Variants in ARHGEF16 observed in about 807,000 individuals in gnomAD.
ARHGEF16 encodes Rho guanine nucleotide exchange factor 16.
Under a neutral mutation model 74.1 loss-of-function variants are expected in ARHGEF16, and 59 were observed. The observed-to-expected ratio is 0.80, with a 90% confidence interval of 0.65 to 0.99. The LOEUF is 0.99. ARHGEF16 is among the 50% of genes least tolerant of loss of function. The probability of loss-of-function intolerance (pLI) is 0.00; values close to 1 mark genes in which losing one functional copy is unlikely to be tolerated. For missense variants in ARHGEF16, 948 were observed against 986.6 expected, an observed-to-expected ratio of 0.96 and a Z score of 0.52; for synonymous variants, 415 against 412.6, an observed-to-expected ratio of 1.01 and a Z score of -0.07.
intron 2 of ARHGEF16, 98 bp from the exon 3 acceptor site, chr1:3,466,050 G>A: frequency 1.5e-6 from 2 of 1,343,784 alleles, no homozygotes; most frequent in African/African-American, 1.5e-5. Context: ...AGCTTCGCAT[G>A]TGGAGCCGAG....
chr1:3,469,745 G>C, intron 6 of ARHGEF16, 152 bp downstream of exon 6: 1 of 1,137,552 alleles, frequency 8.8e-7, no homozygotes. Flanking sequence ...CGCGGAGTGT[G>C]ATGACCTCTG....
intron 1 of ARHGEF16, among the ~76,000 whole-genome samples, chr1:3,456,240 CAG>C (rs1639261962): frequency 6.6e-6 from 1 of 152,236 alleles, no homozygotes; most frequent in South Asian, 2.1e-4. Context: ...AACTGAGGCA[CAG>C]AGGTGAAGCA....
rs1400951131 is a variant in ARHGEF16, at chr1:3,474,710, G to A, written c.1308G>A (p.Thr436=). The A allele has an allele frequency of 1.2e-6, 2 of 1,612,740 alleles. No homozygotes were observed. Among genetic ancestry groups the A allele is most frequent in the African/African-American group, 1.3e-5 (1 of 75,048 alleles). The change falls in exon 9 of 15, where the codon ACG becomes ACA. Residue 436 remains threonine (T), a splice_region_variant and synonymous_variant. Coordinates refer to ENST00000378378, the MANE Select transcript of ARHGEF16 (RefSeq NM_014448.4). ...TCCCATGTCTGTTGTCCATCCAGAC[G>A]CTCTGCCTCAAGACCCAGGGCCACT... is the stretch of plus-strand genomic sequence containing the variant. ...RVTRLPLLMD[T]LCLKTQGHSE...
intron 8 of ARHGEF16, chr1:3,474,182 C>T: frequency 5.2e-6 from 1 of 194,172 alleles, no homozygotes; most frequent in Non-Finnish European, 1.1e-5. Flanking sequence ...TACATGCACA[C>T]ACAGGCACTG....
At position 3,466,200 on chromosome 1, in the gene ARHGEF16, G is replaced by T; in HGVS notation, c.634+7G>T. 6.5e-7 allele frequency: 1 copy of T among 1,539,748 alleles called. No individual in the cohort carries two copies. The highest frequency in any genetic ancestry group is 8.8e-7 in the Non-Finnish European group (1 of 1,142,086). ...AAGGGTTCCTTCAAGGACGGTGAGT[G>T]TGGCTTCGGGAGGCACCGCGGGCTG... is the stretch of plus-strand genomic sequence containing the variant. On this transcript the variant is annotated splice_region_variant and intron_variant, in intron 3 of 14. Transcript: ENST00000378378.
intron 1 of ARHGEF16, among the ~76,000 whole-genome samples, chr1:3,461,690 C>CTGG (rs1639399281): frequency 1.3e-5 from 2 of 152,216 alleles, no homozygotes; most frequent in Admixed American, 1.3e-4. Flanking sequence ...GATGTGTAGC[C>CTGG]ACAACAGCCC....
chr1:3,473,350 C>A, intron 7 of ARHGEF16, 43 bp from the exon 8 acceptor site: 4 of 1,581,642 alleles, frequency 2.5e-6, no homozygotes, highest in Non-Finnish European at 3.4e-6. Flanking sequence ...TTGGTACAGG[C>A]TGGCCATGCA....
chr1:3,474,736 C>G lies in ARHGEF16; in HGVS notation c.1334C>G (p.Ser445Cys). Residue 445 changes from serine to cysteine, a missense_variant, in exon 9 of 15, where the codon TCC (serine) becomes TGC (cysteine). By Grantham distance (112) the Ser-to-Cys change is moderately radical. Coordinates refer to ENST00000378378, the MANE Select transcript of ARHGEF16 (RefSeq NM_014448.4). Reference sequence around the variant, plus strand: ...CTCTGCCTCAAGACCCAGGGCCACTCCGAAAGGTACAAGGCTGCCAGCCGT... The same window carrying G: ...CTCTGCCTCAAGACCCAGGGCCACTGCGAAAGGTACAAGGCTGCCAGCCGT... ...DTLCLKTQGH[S>C]ERYKAASRAL... The G allele has an allele frequency of 6.2e-7, 1 of 1,612,908 alleles. No individual in the cohort carries two copies. The highest frequency in any genetic ancestry group is 8.5e-7 in the Non-Finnish European group (1 of 1,179,976).
chr1:3,470,937 T>A (rs1322011946), intron 6 of ARHGEF16, among the ~76,000 whole-genome samples: 2 of 129,292 alleles, frequency 1.5e-5, no homozygotes, highest in Non-Finnish European at 3.2e-5. Context: ...TGTGTGTGCA[T>A]GGGCAGGGGT....
At position 3,473,031 on chromosome 1, in the gene ARHGEF16, C is replaced by T; in HGVS notation, c.1023-47C>T. On this transcript the variant is annotated intron_variant, in intron 6 of 14. Transcript: ENST00000378378. ...ATGTCTGTGTGTGCACACGTGGGGC[C>T]CGACCACCAGGCCCGTGGCACCCTC... is the stretch of plus-strand genomic sequence containing the variant. 3 of 1,591,772 alleles carry T rather than the reference C, an allele frequency of 1.9e-6. No individual in the cohort carries two copies. In the East Asian group the frequency reaches 6.7e-5, roughly 36 times the overall value.
intron 8 of ARHGEF16, chr1:3,474,000 GT>G: frequency 4.2e-6 from 1 of 236,730 alleles, no homozygotes; most frequent in South Asian, 6.2e-5. Flanking sequence ...GGTGAAAGGT[GT>G]ACACACACAC....
rs763129837 is a variant in ARHGEF16, at chr1:3,474,826, C to T, written c.1380+44C>T. 7 of 1,582,832 alleles carry T rather than the reference C, an allele frequency of 4.4e-6. No homozygotes were observed. In the Admixed American group the frequency reaches 5.0e-5, roughly 11 times the overall value. ...CCAGCCCTACCCGAGTCCTGTACCCCGACCCTGTCCCCACCCAACCCCACC... is the reference window on the plus strand; with the variant it reads ...CCAGCCCTACCCGAGTCCTGTACCCTGACCCTGTCCCCACCCAACCCCACC... On this transcript the variant is annotated intron_variant, in intron 9 of 14. Transcript: ENST00000378378.
chr1:3,472,833 G>A (rs530603339), intron 6 of ARHGEF16: 138 of 515,436 alleles, frequency 2.7e-4, no homozygotes, highest in African/African-American at 2.4e-3. Context: ...GCGTGGGATC[G>A]TGGCAGGGGG....
In ARHGEF16 at chr1:3,480,414, C is replaced by A. The variant is rs1401021090; in HGVS notation, c.1991-34C>A. 1.9e-6 allele frequency: 3 copies of A among 1,610,120 alleles called. No homozygotes were observed. In the East Asian group the frequency reaches 6.7e-5, roughly 36 times the overall value. ...AGGGGCCGGGGGACCCACGGCCTTC[C>A]CCTCACCTCCCTCCCACCCCTATCC... On this transcript the variant is annotated intron_variant, in intron 14 of 14. Transcript: ENST00000378378.
intron 10 of ARHGEF16, 138 bp downstream of exon 10, chr1:3,476,200 C>A: frequency 1.2e-6 from 1 of 866,624 alleles, no homozygotes; most frequent in Non-Finnish European, 1.8e-6. Flanking sequence ...GGGGCTGGGC[C>A]TCCTAGGGCT....
At chr1:3,471,177 C>G (rs1251519540) in intron 6 of ARHGEF16, among the ~76,000 whole-genome samples, 3 of 151,920 alleles carry the variant, frequency 2.0e-5, no homozygotes, top group African/African-American at 7.3e-5. Context: ...CGACCCTGTG[C>G]TGCTCCCTAT....
Position 3,479,927 on chromosome 1 carries a change from C to T in ARHGEF16, c.1990+14C>T, listed in dbSNP as rs1224729568. The T allele has an allele frequency of 5.6e-6, 9 of 1,610,912 alleles. No individual in the cohort carries two copies. Among genetic ancestry groups the T allele is most frequent in the Non-Finnish European group, 7.6e-6 (9 of 1,179,118 alleles). ...AGCAGGAGGATGGTGAGTGCAGGGG[C>T]GTTGGGCACAGATGGGTGGGAACGG... is the stretch of plus-strand genomic sequence containing the variant. On this transcript the variant is annotated intron_variant, in intron 14 of 14. Transcript: ENST00000378378.
chr1:3,457,240 G>T (rs570711968), intron 1 of ARHGEF16, among the ~76,000 whole-genome samples: 1 of 152,372 alleles, frequency 6.6e-6, no homozygotes, highest in Non-Finnish European at 1.5e-5. Context: ...CGGAGTACAA[G>T]GGCATCATTG....
chr1:3,476,056 G>A lies in ARHGEF16; in HGVS notation c.1467G>A (p.Lys489=). ...TGCACACACAGCTGGACTTCAGCAA[G>A]GTCAAGGTAGGTGGCCCCGGACATC... The part of the protein sequence containing the change: ...YTLHTQLDFS[K]VKSLPLISAS... Residue 489 remains lysine (K), a synonymous_variant, in exon 10 of 15, where the codon AAG becomes AAA. Transcript: ENST00000378378. 2 of 1,551,400 alleles carry A rather than the reference G, an allele frequency of 1.3e-6. No homozygotes were observed. Among genetic ancestry groups the A allele is most frequent in the Non-Finnish European group, 1.7e-6 (2 of 1,147,374 alleles).
Sources: gnomAD v4.1 joint callset for allele counts (sites outside exome capture counted in the v4.1 genomes callset) on GRCh38, gnomAD v4.1.1 for gene constraint, MANE v1.5 for transcripts, NCBI Gene and HGNC (gene_info 2026-07-23, HGNC 2026-07-21) for gene names.